CDKL3: variants seen among roughly 807,000 people sequenced by gnomAD.
CDKL3 encodes cyclin dependent kinase like 3.
Under a neutral mutation model 69.3 loss-of-function variants are expected in CDKL3, and 65 were observed. The observed-to-expected ratio is 0.94, with a 90% CI of 0.77 to 1.15. The LOEUF is 1.15. Among genes scored for constraint, CDKL3 ranks in the 50% most tolerant of loss-of-function variants. The pLI, the probability that CDKL3 is intolerant of heterozygous loss-of-function variation, is 0.00. For missense variants in CDKL3, 652 were observed against 689.2 expected (o/e 0.95, Z 0.61); for synonymous variants, 202 against 221.6 (o/e 0.91, Z 0.79).
intron 3 of CDKL3, among the ~76,000 whole-genome samples, chr5:134,354,095 T>C (rs1219650118): frequency 1.3e-5 from 2 of 152,188 alleles, no homozygotes; most frequent in African/African-American, 2.4e-5. Flanking sequence ...ACTCAGCTTA[T>C]ATGTTAGTAT....
Position 134,326,829 on chromosome 5 carries a change from A to G in CDKL3, c.540-4926T>C, listed in dbSNP as rs865947095. Among the ~76,000 whole-genome samples the G allele has an allele frequency of 2.7e-3, 232 of 86,266 alleles. 7 individuals carry two copies. Among genetic ancestry groups the G allele is most frequent in the South Asian group, 0.025 (60 of 2,378 alleles). 56.6% of individuals were successfully genotyped at this position (86,266 alleles called of 152,430 possible). The stretch of plus-strand genomic sequence containing the variant: ...TATATATGTGTGTGTATATATATAT[A>G]TATATATATATATATATATATATAT... On this transcript the variant is annotated intron_variant, in intron 4 of 12. Transcript: ENST00000265334.
intron 4 of CDKL3, among the ~76,000 whole-genome samples, chr5:134,338,627 C>A (rs1404656734): frequency 6.6e-6 from 1 of 152,092 alleles, no homozygotes. Flanking sequence ...AAAGAGGAGG[C>A]AGAGGTTTCA....
At chr5:134,297,563 GT>G (rs1433995982), downstream of CDKL3, among the ~76,000 whole-genome samples, 1 of 150,812 alleles carries the variant, frequency 6.6e-6, no homozygotes, top group African/African-American at 2.4e-5. Context: ...GTAATGAATA[GT>G]TTTTTCTTTC....
At chr5:134,314,511 T>C (rs922400671) in intron 6 of CDKL3, among the ~76,000 whole-genome samples, 1 of 152,196 alleles carries the variant, frequency 6.6e-6, no homozygotes, top group Non-Finnish European at 1.5e-5. Flanking sequence ...AATGTTCTCA[T>C]GGCAACTTTA....
At chr5:134,306,173 G>GA (rs1338255217) in intron 10 of CDKL3, among the ~76,000 whole-genome samples, 3 of 151,998 alleles carry the variant, frequency 2.0e-5, no homozygotes, top group Non-Finnish European at 4.4e-5. Flanking sequence ...AACTCAGGAA[G>GA]AAAAAAAGAA....
At chr5:134,363,760 G>A (rs761022399) in intron 2 of CDKL3, among the ~76,000 whole-genome samples, 7 of 151,758 alleles carry the variant, frequency 4.6e-5, no homozygotes, top group Non-Finnish European at 7.4e-5. Context: ...CGCGCCCAGC[G>A]TAGAGCCATT....
chr5:134,347,150 T>A (rs1329255393), intron 4 of CDKL3, among the ~76,000 whole-genome samples: 1 of 151,926 alleles, frequency 6.6e-6, no homozygotes, highest in Admixed American at 6.6e-5. Flanking sequence ...CTCTATACTA[T>A]CTTTGTAACT....
chr5:134,348,395 T>C (rs947960275), intron 4 of CDKL3, among the ~76,000 whole-genome samples: 5 of 152,164 alleles, frequency 3.3e-5, no homozygotes, highest in Admixed American at 3.3e-4. Context: ...ATGTGAGATA[T>C]TCTGTGTCTG....
intron 6 of CDKL3, among the ~76,000 whole-genome samples, chr5:134,313,975 TA>T (rs1160214955): frequency 1.2e-4 from 17 of 146,188 alleles, no homozygotes; most frequent in East Asian, 2.0e-4. Context: ...CCGTCCCCAC[TA>T]AAAAAAAAAT....
In CDKL3 at chr5:134,350,315, G is replaced by GT; in HGVS notation, c.472dup (p.Thr158AsnfsTer10). The GT allele has an allele frequency of 6.3e-7, 1 of 1,594,126 alleles. No individual in the cohort carries two copies. Among genetic ancestry groups the GT allele is most frequent in the Admixed American group, 1.8e-5 (1 of 56,764 alleles). Reference sequence around the variant, plus strand: ...ATACCAGCGTGTGGCCACATAGTCCGTATAAATGTCCCCAGGAGCTGCTAG... The same window carrying GT: ...ATACCAGCGTGTGGCCACATAGTCCGTTATAAATGTCCCCAGGAGCTGCTAG... On this transcript the variant is annotated frameshift_variant, in exon 4 of 13. Coordinates refer to ENST00000265334, the MANE Select transcript of CDKL3 (RefSeq NM_001113575.2). LOFTEE classifies it high-confidence loss of function.
At chr5:134,296,219 GAATATGTCA>G (rs1765342086), downstream of CDKL3, among the ~76,000 whole-genome samples, 1 of 152,054 alleles carries the variant, frequency 6.6e-6, no homozygotes, top group Non-Finnish European at 1.5e-5. Context: ...TTATTTAAGA[GAATATGTCA>G]TCCAAAAGAC....
At chr5:134,346,550 G>A (rs1207469940) in intron 4 of CDKL3, among the ~76,000 whole-genome samples, 2 of 152,168 alleles carry the variant, frequency 1.3e-5, no homozygotes, top group East Asian at 3.9e-4. Context: ...AGGCTGAGGT[G>A]CTGCGGTGCG....
At position 134,308,396 on chromosome 5, in the gene CDKL3, T is replaced by G; in HGVS notation, c.1106A>C (p.Asp369Ala). 1 of 1,613,720 alleles carries G rather than the reference T, an allele frequency of 6.2e-7. No homozygotes were observed. The highest frequency in any genetic ancestry group is 8.5e-7 in the Non-Finnish European group (1 of 1,179,794). Residue 369 changes from aspartate (D) to alanine (A), a missense_variant, in exon 9 of 13, where the codon GAT becomes GCT. Asp to Ala is a moderately radical substitution (Grantham distance 126, BLOSUM62 -2). Transcript: ENST00000265334. ...CTCTTTCTTTTTTGGTTCTGAGATA[T>G]CTCCTCTTCCTCCTTTGACTTTAAT... The part of the protein sequence containing the change: ...RVIKVKGGRG[D>A]ISEPKKKEYE...
chr5:134,338,861 A>G (rs889121285), intron 4 of CDKL3, among the ~76,000 whole-genome samples: 26 of 152,158 alleles, frequency 1.7e-4, no homozygotes, highest in Admixed American at 1.7e-3. Flanking sequence ...GTCAATAATA[A>G]CATTAAATGG....
chr5:134,285,326 T>G (rs1764818567), downstream of CDKL3, among the ~76,000 whole-genome samples: 1 of 152,242 alleles, frequency 6.6e-6, no homozygotes, highest in Non-Finnish European at 1.5e-5. Flanking sequence ...TCCAGGCATT[T>G]CCATACATCT....
chr5:134,298,762 T>C, intron 12 of CDKL3, 52 bp from the exon 13 acceptor site: 1 of 1,585,994 alleles, frequency 6.3e-7, no homozygotes, highest in Non-Finnish European at 8.5e-7. Flanking sequence ...TGTAAATATA[T>C]GCTACCAAAA....
intron 12 of CDKL3, among the ~76,000 whole-genome samples, chr5:134,299,173 A>G (rs1193346647): frequency 3.3e-5 from 5 of 152,038 alleles, no homozygotes; most frequent in Non-Finnish European, 7.4e-5. Context: ...TGCCCGACCA[A>G]TTTCCATCCT....
intron 8 of CDKL3, among the ~76,000 whole-genome samples, chr5:134,293,002 C>CATTT (rs1765186572): frequency 2.3e-5 from 1 of 43,876 alleles, no homozygotes; most frequent in Non-Finnish European, 4.4e-5. Context: ...CTGCCAATTT[C>CATTT]TTTTTTTTTT....
At chr5:134,310,663 T>G (rs13157092) in intron 7 of CDKL3, among the ~76,000 whole-genome samples, 5,882 of 152,102 alleles carry the variant, frequency 0.039, 167 homozygotes, top group Non-Finnish European at 0.058. Flanking sequence ...GTTTTTGCAT[T>G]TTCAGTAGAG....
Sources: allele counts gnomAD v4.1 joint callset (sites outside exome capture counted in the v4.1 genomes callset), GRCh38; gene constraint gnomAD v4.1.1; transcripts MANE v1.5; gene names NCBI Gene and HGNC (gene_info 2026-07-23, HGNC 2026-07-21).